Variants in CNNM2 observed in about 807,000 individuals in gnomAD.
The protein encoded by CNNM2 is metal transporter CNNM2.
In CNNM2, 12 loss-of-function variants were observed where a neutral mutation model predicts 66.9. The ratio of observed to expected loss-of-function variants is 0.18; its 90% CI spans 0.11 to 0.29. The LOEUF is 0.29. Among genes scored for constraint, CNNM2 ranks in the 10% least tolerant of loss-of-function variants. The pLI, the probability that CNNM2 is intolerant of heterozygous loss-of-function variation, is 1.00. For missense variants in CNNM2, 705 were observed against 1,167.7 expected, an observed-to-expected ratio of 0.60 and a Z score of 5.77; for synonymous variants, 557 against 501.8, an observed-to-expected ratio of 1.11 and a Z score of -1.47.
intron 4 of CNNM2, among the ~76,000 whole-genome samples, chr10:103,065,530 C>T (rs990413753): frequency 6.6e-6 from 1 of 152,164 alleles, no homozygotes; most frequent in African/African-American, 2.4e-5. Flanking sequence ...GTTGTGCCTG[C>T]CCTACTAGTC....
Position 102,918,908 on chromosome 10 carries a change from C to T in CNNM2, c.428C>T (p.Pro143Leu), listed in dbSNP as rs1021336523. 4 of 1,611,396 alleles carry T rather than the reference C, an allele frequency of 2.5e-6. No homozygotes were observed. In the African/African-American group the frequency reaches 4.0e-5, roughly 16 times the overall value. ...CTGGGGGGCCCCGCGCCGCCAGAGC[C>T]GGACAGCGGCCCCCAGCGATGCGGC... ...RGLGGPAPPE[P>L]DSGPQRCGIR... The change falls in exon 1 of 8, where the codon CCG (proline) becomes CTG (leucine). Residue 143 changes from proline to leucine, a missense_variant. By Grantham distance (98) the Pro-to-Leu change is moderately conservative. This residue lies in a region of CNNM2 where 100 missense variants were observed against 151.9 expected (regional missense o/e 0.66). Transcript: ENST00000369878. The surrounding 1 kb of genome is among the most constrained non-coding windows in gnomAD (Gnocchi z 4.1).
intron 1 of CNNM2, among the ~76,000 whole-genome samples, chr10:102,945,154 C>G (rs1235865217): frequency 6.6e-6 from 1 of 152,104 alleles, no homozygotes; most frequent in African/African-American, 2.4e-5. Context: ...CTCTGCAAAG[C>G]CTTCTTTGTC....
chr10:103,066,143 C>A (rs1454510849), intron 4 of CNNM2, among the ~76,000 whole-genome samples: 1 of 152,154 alleles, frequency 6.6e-6, no homozygotes, highest in Admixed American at 6.5e-5. Context: ...TTCTCCTGAC[C>A]CCTGCTCTTC....
At chr10:103,005,147 TC>T (rs1280421409) in intron 1 of CNNM2, among the ~76,000 whole-genome samples, 1 of 151,886 alleles carries the variant, frequency 6.6e-6, no homozygotes, top group Non-Finnish European at 1.5e-5. Flanking sequence ...ACTCATGACC[TC>T]AAGTGATCCA....
chr10:102,973,476 A>C (rs2063576875), intron 1 of CNNM2, among the ~76,000 whole-genome samples: 2 of 151,768 alleles, frequency 1.3e-5, no homozygotes, highest in African/African-American at 4.8e-5. Flanking sequence ...AAAATACACT[A>C]AAACATGCAT....
At chr10:102,965,080 T>TGGC (rs2063441451) in intron 1 of CNNM2, among the ~76,000 whole-genome samples, 1 of 152,214 alleles carries the variant, frequency 6.6e-6, no homozygotes, top group African/African-American at 2.4e-5. Flanking sequence ...TGCCCGCGCC[T>TGGC]TGATCTTAGA....
intron 1 of CNNM2, among the ~76,000 whole-genome samples, chr10:103,038,334 A>G (rs2064979594): frequency 6.6e-6 from 1 of 152,218 alleles, no homozygotes; most frequent in African/African-American, 2.4e-5. Flanking sequence ...TCAACCAGTC[A>G]ATTTTAAAAT....
chr10:102,931,876 C>T (rs1008658890), intron 1 of CNNM2, among the ~76,000 whole-genome samples: 13 of 151,164 alleles, frequency 8.6e-5, no homozygotes. Flanking sequence ...AGAATGCCAT[C>T]CTAGTGAGAA....
Position 103,085,949 on chromosome 10 carries a change from T to A in CNNM2, c.*8769T>A, listed in dbSNP as rs1225622500. ...TCATTCTATAAATGAACATGCTGCC[T>A]GTTTAAAGGACTTGCTTTCTGCTGT... On this transcript the variant is annotated 3_prime_UTR_variant, in exon 8 of 8. Coordinates refer to ENST00000369878, the MANE Select transcript of CNNM2 (RefSeq NM_017649.5). 1 of 152,272 alleles carries A rather than the reference T, an allele frequency of 6.6e-6. No individual in the cohort carries two copies. Among genetic ancestry groups the A allele is most frequent in the Non-Finnish European group, 1.5e-5 (1 of 68,034 alleles). The allele number at this position is 152,272 out of a possible 1,614,324, so 9.4% of individuals were successfully genotyped here. A position where few individuals can be genotyped will look rare whatever the true frequency, so the allele number is the denominator to read the frequency against.
chr10:103,059,975 A>G (rs2065357265), intron 4 of CNNM2, among the ~76,000 whole-genome samples: 1 of 152,084 alleles, frequency 6.6e-6, no homozygotes, highest in Admixed American at 6.5e-5. Context: ...CTTCTCTACA[A>G]AAAATTTTTT....
intron 1 of CNNM2, among the ~76,000 whole-genome samples, chr10:102,987,474 C>A (rs1418490962): frequency 1.3e-5 from 2 of 152,034 alleles, no homozygotes; most frequent in Non-Finnish European, 2.9e-5. Context: ...GTGCCCACCA[C>A]CACGCCTGGC....
At chr10:103,058,362 T>C (rs1289397304) in intron 4 of CNNM2, among the ~76,000 whole-genome samples, 1 of 152,240 alleles carries the variant, frequency 6.6e-6, no homozygotes, top group African/African-American at 2.4e-5. Flanking sequence ...TCCTTAAGCC[T>C]GGAGAAACTC....
Position 103,085,960 on chromosome 10 carries a change from C to T in CNNM2, c.*8780C>T, listed in dbSNP as rs1419762870. ...ATGAACATGCTGCCTGTTTAAAGGA[C>T]TTGCTTTCTGCTGTTTCTAGATACC... On this transcript the variant is annotated 3_prime_UTR_variant, in exon 8 of 8. Transcript: ENST00000369878. 6.6e-6 allele frequency: 1 copy of T among 152,222 alleles called. No homozygotes were observed. The highest frequency in any genetic ancestry group is 1.5e-5 in the Non-Finnish European group (1 of 68,014). 9.4% of individuals were successfully genotyped at this position (152,222 alleles called of 1,614,324 possible).
At chr10:103,058,763 G>C (rs2065336009) in intron 4 of CNNM2, among the ~76,000 whole-genome samples, 1 of 152,136 alleles carries the variant, frequency 6.6e-6, no homozygotes, top group Admixed American at 6.5e-5. Context: ...GGAGATGTTT[G>C]GTGAAAAACC....
In CNNM2 at chr10:102,925,296, C is replaced by CAAAAA. The variant is rs10624810; in HGVS notation, c.1621+5221_1621+5225dup. ...GGGCAACAAGAGCGAAACTCCATCT[C>CAAAAA]AAAAAAAAAAAAAAAAAAAAAAAAA... On this transcript the variant is annotated intron_variant, in intron 1 of 7. Coordinates refer to ENST00000369878, the MANE Select transcript of CNNM2 (RefSeq NM_017649.5). 8.8e-3 allele frequency among the ~76,000 whole-genome samples: 157 copies of CAAAAA among 17,752 alleles called. 22 individuals are homozygous for CAAAAA. Among genetic ancestry groups the CAAAAA allele is most frequent in the Admixed American group, 0.016 (17 of 1,078 alleles). 11.6% of individuals were successfully genotyped at this position (17,752 alleles called of 152,430 possible). A position where few individuals can be genotyped will look rare whatever the true frequency, so the allele number is the denominator to read the frequency against.
chr10:103,088,008 C>T lies in CNNM2; in HGVS notation c.*10828C>T, dbSNP rs2065889961. On this transcript the variant is annotated 3_prime_UTR_variant, in exon 8 of 8. Coordinates refer to ENST00000369878, the MANE Select transcript of CNNM2 (RefSeq NM_017649.5). ...TGTGAAAAAATTGAGGCCTATGTAACACCATGAATATAATCATGTTAGAAC... is the reference window on the plus strand; with the variant it reads ...TGTGAAAAAATTGAGGCCTATGTAATACCATGAATATAATCATGTTAGAAC... 2 of 152,156 alleles carry T rather than the reference C, an allele frequency of 1.3e-5. No homozygotes were observed. Among genetic ancestry groups the T allele is most frequent in the South Asian group, 4.1e-4 (2 of 4,832 alleles). 9.4% of individuals were successfully genotyped at this position (152,156 alleles called of 1,614,324 possible). A position where few individuals can be genotyped will look rare whatever the true frequency, so the allele number is the denominator to read the frequency against.
At position 102,961,287 on chromosome 10, in the gene CNNM2, C is replaced by T. The variant is rs17115289; in HGVS notation, c.1621+41186C>T. Among the ~76,000 whole-genome samples the T allele has an allele frequency of 0.015, 2,264 of 152,256 alleles. 57 individuals are homozygous for T. Among genetic ancestry groups the T allele is most frequent in the African/African-American group, 0.051 (2,109 of 41,538 alleles). ...AACCTAAACCAGATAACACCATGCT[C>T]TGGTAATGTATCGTTGAGTAATTTG... On this transcript the variant is annotated intron_variant, in intron 1 of 7. Coordinates refer to ENST00000369878, the MANE Select transcript of CNNM2 (RefSeq NM_017649.5).
At position 102,935,774 on chromosome 10, in the gene CNNM2, CTT is replaced by C. The variant is rs34196326; in HGVS notation, c.1621+15696_1621+15697del. Among the ~76,000 whole-genome samples the C allele has an allele frequency of 0.084, 6,508 of 77,722 alleles. 42 individuals are homozygous for C. Among genetic ancestry groups the C allele is most frequent in the Middle Eastern group, 0.14 (11 of 80 alleles). 51.0% of individuals were successfully genotyped at this position (77,722 alleles called of 152,430 possible). On this transcript the variant is annotated intron_variant, in intron 1 of 7. Transcript: ENST00000369878. ...CACAGGCACACTCCACTGCACCTGG[CTT>C]TTTTTTTTTTTTTTTTTTTTTTGTA...
intron 1 of CNNM2, among the ~76,000 whole-genome samples, chr10:102,965,218 T>C (rs1477398458): frequency 6.6e-6 from 1 of 152,226 alleles, no homozygotes; most frequent in African/African-American, 2.4e-5. Context: ...CAGCTCTCTA[T>C]AAATAATGCT....
Sources: gnomAD v4.1 joint callset for allele counts (sites outside exome capture counted in the v4.1 genomes callset) on GRCh38, gnomAD v4.1.1 for gene constraint, gnomAD v4.1.1 regional missense constraint, Gnocchi (gnomAD v3.1) non-coding constraint, MANE v1.5 for transcripts, NCBI Gene and HGNC (gene_info 2026-07-23, HGNC 2026-07-21) for gene names.